The following COLQ variants were observed in gnomAD, a reference collection of about 807,000 sequenced individuals.
The protein encoded by COLQ is collagen like tail subunit of asymmetric acetylcholinesterase.
COLQ carries 48 observed loss-of-function variants against 69.0 expected under a neutral mutation model. That is an observed-to-expected ratio of 0.70 (90% CI 0.55 to 0.88). The LOEUF (loss-of-function observed/expected upper bound fraction) is 0.88, where lower values mean the gene tolerates loss of function less well. Ranked by LOEUF, COLQ falls within the 40% of genes least tolerant of loss-of-function variation. COLQ has a pLI of 0.00. For synonymous variants in COLQ, 217 were observed against 211.2 expected (o/e 1.03, Z -0.24); for missense variants, 618 against 594.6 (o/e 1.04, Z -0.41).
At chr3:15,478,291 T>C (rs995960988) in intron 5 of COLQ, among the ~76,000 whole-genome samples, 1 of 152,238 alleles carries the variant, frequency 6.6e-6, no homozygotes, top group African/African-American at 2.4e-5. Flanking sequence ...TTTAAGGATC[T>C]TGTGGACCAT....
chr3:15,468,321 G>GTTTTT (rs540716062), intron 11 of COLQ, among the ~76,000 whole-genome samples: 13 of 71,316 alleles, frequency 1.8e-4, no homozygotes, highest in Admixed American at 6.0e-4. Context: ...AGTTACTGAA[G>GTTTTT]TTTTTTTTTT....
chr3:15,520,315 C>T (rs1266575474), intron 1 of COLQ, among the ~76,000 whole-genome samples: 2 of 152,216 alleles, frequency 1.3e-5, no homozygotes, highest in African/African-American at 4.8e-5. Context: ...AATCTGCCCC[C>T]ACCTCCTTCT....
chr3:15,463,505 C>T (rs546020514), intron 12 of COLQ, among the ~76,000 whole-genome samples: 101 of 152,112 alleles, frequency 6.6e-4, no homozygotes, highest in African/African-American at 2.2e-3. Context: ...CGCCACTACG[C>T]CCGGCTAATT....
At chr3:15,485,050 A>G (rs1026016572) in intron 3 of COLQ, among the ~76,000 whole-genome samples, 29 of 152,224 alleles carry the variant, frequency 1.9e-4, no homozygotes, top group African/African-American at 6.5e-4. Context: ...TTGGTCTTTG[A>G]TGATGGTGAT....
At chr3:15,494,873 A>C (rs1308125476) in intron 1 of COLQ, among the ~76,000 whole-genome samples, 1 of 152,190 alleles carries the variant, frequency 6.6e-6, no homozygotes, top group African/African-American at 2.4e-5. Context: ...CTGAATTAAT[A>C]ATGACAAACA....
chr3:15,486,341 C>T (rs552424936), intron 3 of COLQ, among the ~76,000 whole-genome samples: 1 of 152,316 alleles, frequency 6.6e-6, no homozygotes, highest in Non-Finnish European at 1.5e-5. Flanking sequence ...TTCTGCATTT[C>T]TAACCAGCTC....
chr3:15,490,905 T>C (rs775841195), intron 1 of COLQ, among the ~76,000 whole-genome samples: 1 of 152,236 alleles, frequency 6.6e-6, no homozygotes, highest in Non-Finnish European at 1.5e-5. Flanking sequence ...AGTGGGTGCA[T>C]TCAGAATCAT....
intron 1 of COLQ, among the ~76,000 whole-genome samples, chr3:15,490,599 C>T (rs573164640): frequency 1.4e-4 from 22 of 152,348 alleles, no homozygotes; most frequent in African/African-American, 5.3e-4. Flanking sequence ...ATTGTTACTG[C>T]TGAATAGTGT....
At chr3:15,506,122 T>G (rs1009672825) in intron 1 of COLQ, among the ~76,000 whole-genome samples, 8 of 152,192 alleles carry the variant, frequency 5.3e-5, no homozygotes, top group African/African-American at 1.9e-4. Context: ...TTGATCCCTT[T>G]GGACTCAGTT....
At chr3:15,495,537 T>C (rs1348540126) in intron 1 of COLQ, among the ~76,000 whole-genome samples, 1 of 152,232 alleles carries the variant, frequency 6.6e-6, no homozygotes, top group African/African-American at 2.4e-5. Flanking sequence ...ATGATAGTCC[T>C]GTTTTCGTCT....
chr3:15,488,772 G>A (rs990666656), intron 2 of COLQ, among the ~76,000 whole-genome samples: 1 of 152,108 alleles, frequency 6.6e-6, no homozygotes. Flanking sequence ...CATATATTCA[G>A]TATTGGAAAG....
At position 15,451,144 on chromosome 3, in the gene COLQ, C is replaced by T. The variant is rs1468611343; in HGVS notation, c.*500G>A. 1 of 165,328 alleles carries T rather than the reference C, an allele frequency of 6.0e-6. No homozygotes were observed. The highest frequency in any genetic ancestry group is 1.3e-5 in the Non-Finnish European group (1 of 75,244). The allele number at this position is 165,328 out of a possible 1,614,324, so 10.2% of individuals were successfully genotyped here. On this transcript the variant is annotated 3_prime_UTR_variant, in exon 17 of 17. Coordinates refer to ENST00000383788, the MANE Select transcript of COLQ (RefSeq NM_005677.4). ...GAGCCACCCCGAGAGAACGTGCCCACTTCCCTGCTTTGTGGTTCATAGGCC... is the reference window on the plus strand; with the variant it reads ...GAGCCACCCCGAGAGAACGTGCCCATTTCCCTGCTTTGTGGTTCATAGGCC...
In COLQ at chr3:15,478,963, A is replaced by G; in HGVS notation, c.393+14T>C. The G allele has an allele frequency of 6.2e-7, 1 of 1,614,178 alleles. No individual in the cohort carries two copies. Among genetic ancestry groups the G allele is most frequent in the Non-Finnish European group, 8.5e-7 (1 of 1,180,030 alleles). ...GACGCTCATGTGACACTCACAGAAC[A>G]GCGCAGACCATACCTTCCTTCCTGG... is the stretch of plus-strand genomic sequence containing the variant. On this transcript the variant is annotated intron_variant, in intron 5 of 16. Coordinates refer to ENST00000383788, the MANE Select transcript of COLQ (RefSeq NM_005677.4).
intron 3 of COLQ, among the ~76,000 whole-genome samples, chr3:15,484,321 G>C (rs1179023710): frequency 6.6e-6 from 1 of 152,124 alleles, no homozygotes; most frequent in Admixed American, 6.5e-5. Flanking sequence ...GGTCTTTACC[G>C]TTTGGTATGA....
At chr3:15,474,200 A>G (rs1179495371) in intron 9 of COLQ, 28 bp downstream of exon 9, 2 of 1,613,594 alleles carry the variant, frequency 1.2e-6, no homozygotes, top group Non-Finnish European at 1.7e-6. Flanking sequence ...GACATTTATC[A>G]TTTCTATGGA....
rs758190106 is a variant in COLQ, at chr3:15,453,943, TAAG to T, written c.1196-15_1196-13del. 165 of 1,585,004 alleles carry T rather than the reference TAAG, an allele frequency of 1.0e-4. No individual in the cohort carries two copies. Among genetic ancestry groups the T allele is most frequent in the Non-Finnish European group, 1.4e-4 (161 of 1,160,250 alleles). On this transcript the variant is annotated splice_polypyrimidine_tract_variant and intron_variant, in intron 15 of 16. Coordinates refer to ENST00000383788, the MANE Select transcript of COLQ (RefSeq NM_005677.4). ...GGCACGGTGACAGCCTGAGGGGACA[TAAG>T]GAGGTGCAGTCTTGAGAAGGAGCAG...
intron 6 of COLQ, among the ~76,000 whole-genome samples, chr3:15,476,340 T>C (rs577048753): frequency 7.1e-4 from 108 of 152,386 alleles, no homozygotes; most frequent in African/African-American, 2.5e-3. Context: ...ATAGTTAAAA[T>C]TTAAAAATTC....
chr3:15,463,538 G>A (rs1247586576), intron 12 of COLQ, among the ~76,000 whole-genome samples: 4 of 151,912 alleles, frequency 2.6e-5, no homozygotes, highest in Admixed American at 2.6e-4. Context: ...AGTAGAGATG[G>A]GGTTTCACTG....
chr3:15,481,060 T>C (rs2062475585), intron 3 of COLQ, among the ~76,000 whole-genome samples: 1 of 152,208 alleles, frequency 6.6e-6, no homozygotes, highest in African/African-American at 2.4e-5. Flanking sequence ...CTTAAGTTCT[T>C]TGTAGATTTT....
Sources: allele counts gnomAD v4.1 joint callset (sites outside exome capture counted in the v4.1 genomes callset), GRCh38; gene constraint gnomAD v4.1.1; transcripts MANE v1.5; gene names NCBI Gene and HGNC (gene_info 2026-07-23, HGNC 2026-07-21).